PTPN2: variants seen among roughly 807,000 people sequenced by gnomAD.
PTPN2 encodes the protein protein tyrosine phosphatase non-receptor type 2.
In PTPN2, 19 loss-of-function variants were observed where a neutral mutation model predicts 57.3. The observed-to-expected ratio is 0.33, with a 90% CI of 0.23 to 0.49. PTPN2 has a LOEUF of 0.49. PTPN2 is among the 20% of genes least tolerant of loss of function. The pLI is 0.99. For missense variants in PTPN2, 358 were observed against 501.1 expected (o/e 0.71, Z 2.73); for synonymous variants, 153 against 164.9 (o/e 0.93, Z 0.55).
At chr18:12,788,837 A>G (rs1405041287), downstream of PTPN2, among the ~76,000 whole-genome samples, 1 of 152,130 alleles carries the variant, frequency 6.6e-6, no homozygotes, top group Non-Finnish European at 1.5e-5. Flanking sequence ...GCATTGCTCA[A>G]TGCTGTTCTT....
chr18:12,828,401 CAG>C (rs1420454190), intron 4 of PTPN2, among the ~76,000 whole-genome samples: 1 of 152,016 alleles, frequency 6.6e-6, no homozygotes, highest in Non-Finnish European at 1.5e-5. Flanking sequence ...AAGTACAACT[CAG>C]AAACACCAGG....
At chr18:12,799,241 A>C (rs945221857) in intron 8 of PTPN2, among the ~76,000 whole-genome samples, 2 of 151,880 alleles carry the variant, frequency 1.3e-5, no homozygotes, top group African/African-American at 4.8e-5. Context: ...ACATGGTGAA[A>C]CCCTGCCTCT....
At chr18:12,840,663 C>T (rs949381225) in intron 2 of PTPN2, 26 of 1,578,954 alleles carry the variant, frequency 1.6e-5, no homozygotes, top group Non-Finnish European at 2.1e-5. Flanking sequence ...ACAAGTGTAA[C>T]ACACTAGAGC....
At chr18:12,862,621 G>A (rs993886848) in intron 1 of PTPN2, 4 of 152,218 alleles carry the variant, frequency 2.6e-5, no homozygotes, top group African/African-American at 9.7e-5. Context: ...CGCTGACAAA[G>A]AGGACTGGCT....
chr18:12,835,533 G>A (rs1459525485), intron 3 of PTPN2, among the ~76,000 whole-genome samples: 4 of 151,840 alleles, frequency 2.6e-5, no homozygotes, highest in African/African-American at 9.7e-5. Flanking sequence ...CCGCCACCAT[G>A]CCCAGCTAAT....
chr18:12,825,701 AT>A, intron 5 of PTPN2, 108 bp downstream of exon 5: 1 of 1,019,036 alleles, frequency 9.8e-7, no homozygotes, highest in South Asian at 2.2e-5. Flanking sequence ...GCTAGATACT[AT>A]AGGAATTATC....
intron 3 of PTPN2, among the ~76,000 whole-genome samples, chr18:12,832,885 T>G (rs2042718232): frequency 6.6e-6 from 1 of 152,192 alleles, no homozygotes. Context: ...CCTCCTGGAT[T>G]CAAGCAATTC....
intron 3 of PTPN2, among the ~76,000 whole-genome samples, chr18:12,832,802 A>G (rs561268654): frequency 2.0e-5 from 3 of 152,198 alleles, no homozygotes; most frequent in Non-Finnish European, 4.4e-5. Context: ...AATAAACAGG[A>G]ACACAGCTGG....
At chr18:12,819,435 A>C (rs538087774) in intron 5 of PTPN2, among the ~76,000 whole-genome samples, 6 of 152,248 alleles carry the variant, frequency 3.9e-5, no homozygotes, top group African/African-American at 1.4e-4. Context: ...ATTCTGGAAA[A>C]GGCAGAAAAA....
chr18:12,873,262 T>A (rs1315322273), intron 1 of PTPN2, among the ~76,000 whole-genome samples: 1 of 148,978 alleles, frequency 6.7e-6, no homozygotes, highest in Admixed American at 6.7e-5. Context: ...CTCTGCCTCC[T>A]CTCCCTCTCC....
chr18:12,884,154 G>C lies in PTPN2; in HGVS notation c.-13C>G. 6 of 1,571,840 alleles carry C rather than the reference G, an allele frequency of 3.8e-6. No individual in the cohort carries two copies. The highest frequency in any genetic ancestry group is 5.2e-6 in the Non-Finnish European group (6 of 1,160,996). Reference sequence around the variant, plus strand: ...TGGTGGTGGGCATGGCTGCGGGAGCGAGCTGGCGCGAGCAGAGCCTGCGCC... The same window carrying C: ...TGGTGGTGGGCATGGCTGCGGGAGCCAGCTGGCGCGAGCAGAGCCTGCGCC... On this transcript the variant is annotated 5_prime_UTR_variant, in exon 1 of 9. Transcript: ENST00000309660.
At chr18:12,807,586 A>AAATATATATATATATATATAT in intron 7 of PTPN2, among the ~76,000 whole-genome samples, 2 of 35,194 alleles carry the variant, frequency 5.7e-5, no homozygotes, top group African/African-American at 1.4e-4. Context: ...AAAAAAAAAA[A>AAATATATATATATATATATAT]ATATATATAT....
intron 3 of PTPN2, among the ~76,000 whole-genome samples, chr18:12,833,258 T>C (rs2042732601): frequency 6.6e-6 from 1 of 152,096 alleles, no homozygotes; most frequent in Non-Finnish European, 1.5e-5. Flanking sequence ...GAAGTAACAA[T>C]CTACAAAGGA....
intron 1 of PTPN2, among the ~76,000 whole-genome samples, chr18:12,871,402 GAA>G (rs1240195807): frequency 6.6e-6 from 1 of 152,090 alleles, no homozygotes; most frequent in Non-Finnish European, 1.5e-5. Flanking sequence ...GTCATAATTT[GAA>G]ATTGTTATTA....
intron 7 of PTPN2, among the ~76,000 whole-genome samples, chr18:12,812,531 A>G (rs1240159190): frequency 6.6e-6 from 1 of 152,196 alleles, no homozygotes; most frequent in Non-Finnish European, 1.5e-5. Context: ...CCTGGGAGGC[A>G]GAGGCTGCAG....
chr18:12,850,079 G>T (rs1462966618), intron 2 of PTPN2, among the ~76,000 whole-genome samples: 25 of 152,156 alleles, frequency 1.6e-4, no homozygotes, highest in Admixed American at 1.4e-3. Flanking sequence ...CCCTTGTGCT[G>T]TAACTGTGAT....
At chr18:12,804,937 T>C (rs768144958) in intron 7 of PTPN2, among the ~76,000 whole-genome samples, 1 of 152,130 alleles carries the variant, frequency 6.6e-6, no homozygotes, top group Non-Finnish European at 1.5e-5. Context: ...TACAGGCCAA[T>C]ATCCTTGATG....
At chr18:12,808,751 T>A (rs899381963) in intron 7 of PTPN2, among the ~76,000 whole-genome samples, 1 of 152,190 alleles carries the variant, frequency 6.6e-6, no homozygotes, top group African/African-American at 2.4e-5. Flanking sequence ...ACTGCACTCC[T>A]GGGCGACAGA....
intron 2 of PTPN2, among the ~76,000 whole-genome samples, chr18:12,850,678 ATC>A (rs2043362664): frequency 4.0e-5 from 6 of 151,390 alleles, no homozygotes; most frequent in African/African-American, 1.5e-4. Flanking sequence ...GGAAATGTTT[ATC>A]TTTTTATTAA....
Sources: gnomAD v4.1 joint callset for allele counts (sites outside exome capture counted in the v4.1 genomes callset) on GRCh38, gnomAD v4.1.1 for gene constraint, MANE v1.5 for transcripts, NCBI Gene and HGNC (gene_info 2026-07-23, HGNC 2026-07-21) for gene names.